LMBR1: variants seen among roughly 807,000 people sequenced by gnomAD.
LMBR1 encodes the protein limb region 1 protein homolog.
Under a neutral mutation model 73.9 loss-of-function variants are expected in LMBR1, and 52 were observed. The ratio of observed to expected loss-of-function variants is 0.70; its 90% CI spans 0.56 to 0.89. LMBR1 has a LOEUF of 0.89. LMBR1 is among the 40% of genes least tolerant of loss of function. The pLI is 0.00. For synonymous variants in LMBR1, 215 were observed against 209.4 expected (o/e 1.03, Z -0.23); for missense variants, 539 against 579.8 (o/e 0.93, Z 0.72).
At chr7:156,871,147 A>C (rs536426331) in intron 1 of LMBR1, among the ~76,000 whole-genome samples, 55 of 152,176 alleles carry the variant, frequency 3.6e-4, no homozygotes, top group Non-Finnish European at 6.8e-4. Flanking sequence ...GGATCATGAG[A>C]CTACTAAAAA....
intron 1 of LMBR1, among the ~76,000 whole-genome samples, chr7:156,882,538 C>T (rs372001060): frequency 2.6e-5 from 4 of 152,124 alleles, no homozygotes; most frequent in African/African-American, 9.7e-5. Context: ...ACTGCATGAT[C>T]CCACTTATAT....
chr7:156,739,726 G>A (rs1320606458), intron 9 of LMBR1, among the ~76,000 whole-genome samples: 15 of 152,274 alleles, frequency 9.9e-5, no homozygotes, highest in Admixed American at 9.8e-4. Flanking sequence ...GCATTATTGG[G>A]CTTGAGGGCC....
At chr7:156,785,772 G>C (rs1267406488) in intron 5 of LMBR1, among the ~76,000 whole-genome samples, 1 of 152,128 alleles carries the variant, frequency 6.6e-6, no homozygotes, top group Non-Finnish European at 1.5e-5. Flanking sequence ...ATAAAGAACT[G>C]AACTACTACT....
intron 15 of LMBR1, among the ~76,000 whole-genome samples, chr7:156,703,107 G>A (rs148890957): frequency 9.9e-5 from 15 of 152,276 alleles, no homozygotes; most frequent in African/African-American, 3.6e-4. Flanking sequence ...CACATTTAAG[G>A]AGCAGCCAGG....
At chr7:156,696,418 G>C (rs1394153042) in intron 15 of LMBR1, among the ~76,000 whole-genome samples, 1 of 152,146 alleles carries the variant, frequency 6.6e-6, no homozygotes, top group African/African-American at 2.4e-5. Context: ...TAGACATTTT[G>C]CCAAAGAAAA....
At chr7:156,839,493 G>C (rs963364763) in intron 1 of LMBR1, among the ~76,000 whole-genome samples, 2 of 151,842 alleles carry the variant, frequency 1.3e-5, no homozygotes, top group Non-Finnish European at 2.9e-5. Context: ...GTTTGCCACA[G>C]CTTGTTGTGG....
intron 15 of LMBR1, among the ~76,000 whole-genome samples, chr7:156,696,296 T>G (rs1372088704): frequency 6.6e-6 from 1 of 152,182 alleles, no homozygotes; most frequent in African/African-American, 2.4e-5. Context: ...GGAAGAAATA[T>G]TTACACGTCA....
At chr7:156,765,707 C>A (rs1043159946) in intron 5 of LMBR1, among the ~76,000 whole-genome samples, 1 of 152,080 alleles carries the variant, frequency 6.6e-6, no homozygotes, top group Admixed American at 6.5e-5. Context: ...ATATCTTGCA[C>A]GTTTATGCAG....
At chr7:156,778,660 C>G (rs1196271677) in intron 5 of LMBR1, among the ~76,000 whole-genome samples, 1 of 152,152 alleles carries the variant, frequency 6.6e-6, no homozygotes, top group Non-Finnish European at 1.5e-5. Context: ...AGTAAATATA[C>G]AAGTACTCAA....
intron 9 of LMBR1, chr7:156,747,838 G>A (rs1036698763): frequency 1.3e-5 from 2 of 152,156 alleles, no homozygotes; most frequent in Admixed American, 1.3e-4. Flanking sequence ...TAATCACTTA[G>A]GCAAACAACT....
chr7:156,798,475 C>T (rs756071950), intron 4 of LMBR1, among the ~76,000 whole-genome samples: 10 of 152,082 alleles, frequency 6.6e-5, no homozygotes, highest in Non-Finnish European at 1.5e-4. Flanking sequence ...CCCCAACAGC[C>T]TATGGGTAAA....
intron 15 of LMBR1, among the ~76,000 whole-genome samples, chr7:156,689,421 C>T (rs1351694991): frequency 6.6e-6 from 1 of 152,186 alleles, no homozygotes; most frequent in Non-Finnish European, 1.5e-5. Flanking sequence ...TGACTATACT[C>T]AATTTTACAT....
chr7:156,853,333 T>A (rs1280062021), intron 1 of LMBR1, among the ~76,000 whole-genome samples: 6 of 150,356 alleles, frequency 4.0e-5, no homozygotes, highest in African/African-American at 1.2e-4. Context: ...CTTTCTCTTT[T>A]AAAAAAAAAT....
chr7:156,851,554 T>C (rs937402533), intron 1 of LMBR1, among the ~76,000 whole-genome samples: 1 of 152,312 alleles, frequency 6.6e-6, no homozygotes, highest in East Asian at 1.9e-4. Flanking sequence ...CAGATTACTC[T>C]TCCTACTGGT....
chr7:156,762,665 A>C (rs973946629), intron 7 of LMBR1, among the ~76,000 whole-genome samples: 1 of 152,172 alleles, frequency 6.6e-6, no homozygotes, highest in African/African-American at 2.4e-5. Context: ...AACAAAACAA[A>C]CTTTTAAAAA....
intron 3 of LMBR1, among the ~76,000 whole-genome samples, chr7:156,828,346 C>T (rs996711724): frequency 6.6e-6 from 1 of 152,188 alleles, no homozygotes; most frequent in African/African-American, 2.4e-5. Context: ...TCAAGACAGA[C>T]CCTAAACATC....
chr7:156,816,424 T>A (rs1253397128), intron 4 of LMBR1, among the ~76,000 whole-genome samples: 1 of 152,098 alleles, frequency 6.6e-6, no homozygotes, highest in Non-Finnish European at 1.5e-5. Flanking sequence ...TCTTTATCAG[T>A]AGATCAAACA....
intron 5 of LMBR1, among the ~76,000 whole-genome samples, chr7:156,785,009 C>T (rs929152941): frequency 6.6e-6 from 1 of 152,078 alleles, no homozygotes; most frequent in African/African-American, 2.4e-5. Flanking sequence ...AATATATGTA[C>T]ACAAGATGAA....
chr7:156,673,977 C>T (rs1803216492), downstream of LMBR1, among the ~76,000 whole-genome samples: 2 of 152,012 alleles, frequency 1.3e-5, no homozygotes, highest in African/African-American at 4.8e-5. Flanking sequence ...CCTGGACAGT[C>T]ATGGACCATC....
Sources: allele counts gnomAD v4.1 joint callset (sites outside exome capture counted in the v4.1 genomes callset), GRCh38; gene constraint gnomAD v4.1.1; transcripts MANE v1.5; gene names NCBI Gene and HGNC (gene_info 2026-07-23, HGNC 2026-07-21).